Variants in PRKG1 observed in about 807,000 individuals in gnomAD.
PRKG1 encodes cGMP-dependent protein kinase 1.
PRKG1 carries 35 observed loss-of-function variants against 88.1 expected under a neutral mutation model. The observed-to-expected ratio is 0.40, with a 90% confidence interval of 0.30 to 0.53. PRKG1 has a LOEUF of 0.53. Among genes scored for constraint, PRKG1 ranks in the 20% least tolerant of loss-of-function variants. PRKG1 has a pLI of 0.59. For synonymous variants in PRKG1, 303 were observed against 292.5 expected, an observed-to-expected ratio of 1.04 and a Z score of -0.37; for missense variants, 540 against 839.8, an observed-to-expected ratio of 0.64 and a Z score of 4.41.
At chr10:52,259,837 G>A (rs536001347) in intron 10 of PRKG1, among the ~76,000 whole-genome samples, 3 of 152,164 alleles carry the variant, frequency 2.0e-5, no homozygotes, top group African/African-American at 4.8e-5. Context: ...TTTCCCTGAA[G>A]TAAACTGGCA....
chr10:50,991,414 C>T lies in PRKG1; in HGVS notation c.36C>T (p.Leu12=), dbSNP rs771726791. Residue 12 remains leucine (L), a synonymous_variant, in exon 1 of 18, where the codon CTC becomes CTT. Coordinates refer to the PRKG1 transcript ENST00000401604. This position sits in a 1 kb window ranked among gnomAD's most constrained non-coding sequence, Gnocchi z 4.5. ...TAGAGGAAGACTTTGCCAAGATTCT[C>T]ATGCTCAAGGAGGAGAGGATCAAAG... 7 of 1,568,092 alleles carry T rather than the reference C, an allele frequency of 4.5e-6. No individual in the cohort carries two copies. The Admixed American group carries it at 5.7e-5, about 13-fold the overall frequency.
At chr10:51,936,085 G>C (rs950151413) in intron 5 of PRKG1, among the ~76,000 whole-genome samples, 1 of 151,652 alleles carries the variant, frequency 6.6e-6, no homozygotes, top group African/African-American at 2.4e-5. Flanking sequence ...GATCTTCCTT[G>C]TTTCCCTCCC....
At chr10:52,226,399 G>T (rs375702793) in intron 9 of PRKG1, among the ~76,000 whole-genome samples, 32 of 152,244 alleles carry the variant, frequency 2.1e-4, no homozygotes, top group African/African-American at 7.2e-4. Flanking sequence ...ATCATAGTTT[G>T]TCCCTCACAG....
Position 51,460,621 on chromosome 10 carries a change from T to C in PRKG1, c.479-7102T>C, listed in dbSNP as rs189543724. Among the ~76,000 whole-genome samples, 18 of 152,314 alleles carry C rather than the reference T, an allele frequency of 1.2e-4. No homozygotes were observed. In the East Asian group the frequency reaches 3.1e-3, roughly 26 times the overall value. ...CAGTCCACAAACACTTATCTAGTGC[T>C]TGACATGTATTTTAAGTGCTAACAT... is the stretch of plus-strand genomic sequence containing the variant. On this transcript the variant is annotated intron_variant, in intron 2 of 17. Coordinates refer to ENST00000373980, the MANE Select transcript of PRKG1 (RefSeq NM_006258.4).
intron 4 of PRKG1, among the ~76,000 whole-genome samples, chr10:51,889,498 T>C (rs1461549507): frequency 6.6e-6 from 1 of 151,840 alleles, no homozygotes; most frequent in African/African-American, 2.4e-5. Flanking sequence ...TTTGCTATTG[T>C]ATAGTGCCAC....
intron 1 of PRKG1, among the ~76,000 whole-genome samples, chr10:51,052,474 GC>G (rs1564582463): frequency 6.6e-6 from 1 of 152,098 alleles, no homozygotes. Flanking sequence ...TTACTCAGAA[GC>G]TTTAAGAAGA....
intron 3 of PRKG1, among the ~76,000 whole-genome samples, chr10:51,535,163 A>T (rs921077820): frequency 6.6e-6 from 1 of 152,214 alleles, no homozygotes; most frequent in Non-Finnish European, 1.5e-5. Flanking sequence ...ATGGTAAGTC[A>T]GTATACTGAT....
chr10:51,385,168 C>A (rs138931887), intron 2 of PRKG1, among the ~76,000 whole-genome samples: 99 of 152,118 alleles, frequency 6.5e-4, no homozygotes, highest in Non-Finnish European at 9.7e-4. Context: ...TTGGGTAATG[C>A]GATACATTAT....
rs994148396 is a variant in PRKG1, at chr10:51,538,415, AATATATG to A, written c.592+70593_592+70599del. Among the ~76,000 whole-genome samples, 50 of 148,516 alleles carry A rather than the reference AATATATG, an allele frequency of 3.4e-4. 1 individual carries two copies. Among genetic ancestry groups the A allele is most frequent in the African/African-American group, 1.1e-3 (44 of 40,886 alleles). On this transcript the variant is annotated intron_variant, in intron 3 of 17. Coordinates refer to ENST00000373980, the MANE Select transcript of PRKG1 (RefSeq NM_006258.4). ...ATATCATATATATACATATACATAT[AATATATG>A]ATATATGATATATAATAATGTATTA...
chr10:52,150,309 A>G (rs998811572), intron 8 of PRKG1, among the ~76,000 whole-genome samples: 4 of 152,006 alleles, frequency 2.6e-5, no homozygotes, highest in Admixed American at 2.0e-4. Context: ...TATGGTGCCA[A>G]TTACGGCTGG....
intron 3 of PRKG1, among the ~76,000 whole-genome samples, chr10:51,751,470 C>T (rs1406999706): frequency 2.0e-5 from 3 of 152,054 alleles, no homozygotes; most frequent in East Asian, 1.9e-4. Flanking sequence ...TCAAGTTATC[C>T]GCCTGCATCT....
intron 7 of PRKG1, among the ~76,000 whole-genome samples, chr10:52,132,842 C>T (rs1837303263): frequency 6.6e-6 from 1 of 151,806 alleles, no homozygotes. Context: ...CTTAGGTGTA[C>T]ATAGTAGGGA....
chr10:52,271,432 A>C lies in PRKG1; in HGVS notation c.1256A>C (p.Glu419Ala). 1 of 1,613,126 alleles carries C rather than the reference A, an allele frequency of 6.2e-7. No individual in the cohort carries two copies. Among genetic ancestry groups the C allele is most frequent in the Non-Finnish European group, 8.5e-7 (1 of 1,179,442 alleles). The change falls in exon 11 of 18, where the codon GAG becomes GCG. Residue 419 changes from glutamate (E) to alanine (A), a missense_variant. This residue lies in a region of PRKG1 where 400 missense variants were observed against 562.7 expected (regional missense o/e 0.71). Transcript: ENST00000373980. ...KRHIVDTRQQ[E>A]HIRSEKQIMQ... Reference sequence around the variant, plus strand: ...CACATTGTGGACACAAGACAGCAGGAGCACATCCGCTCAGAGAAGCAGATC... The same window carrying C: ...CACATTGTGGACACAAGACAGCAGGCGCACATCCGCTCAGAGAAGCAGATC...
intron 5 of PRKG1, among the ~76,000 whole-genome samples, chr10:51,976,254 T>C (rs1033958702): frequency 6.6e-6 from 1 of 152,040 alleles, no homozygotes; most frequent in Non-Finnish European, 1.5e-5. Context: ...ATAATTCCAC[T>C]TCTAGGTATA....
chr10:51,145,910 C>T (rs10822292), intron 1 of PRKG1, among the ~76,000 whole-genome samples: 67,301 of 151,724 alleles, frequency 0.44, 15,030 homozygotes, highest in African/African-American at 0.53. Flanking sequence ...TACATTCTCA[C>T]CTACAGTGTA....
rs1162398209 is a variant in PRKG1, at chr10:52,239,479, A to C, written c.1077-12091A>C. On this transcript the variant is annotated intron_variant, in intron 9 of 17. Transcript: ENST00000373980. Reference sequence around the variant, plus strand: ...TTAAGGGAAAGCCAATAAAATATATATGAGGAAAAAAATAAAAATAAAAAT... The same window carrying C: ...TTAAGGGAAAGCCAATAAAATATATCTGAGGAAAAAAATAAAAATAAAAAT... Among the ~76,000 whole-genome samples the C allele has an allele frequency of 4.1e-5, 6 of 145,086 alleles. No homozygotes were observed. The East Asian group carries it at 1.2e-3, about 29-fold the overall frequency.
chr10:52,045,842 TC>T (rs35352643), intron 5 of PRKG1, among the ~76,000 whole-genome samples: 23,863 of 152,072 alleles, frequency 0.16, 2,403 homozygotes, highest in South Asian at 0.26. Flanking sequence ...TTGTTTGATA[TC>T]CACATTTTCA....
At chr10:51,485,146 C>T (rs1340117974) in intron 3 of PRKG1, among the ~76,000 whole-genome samples, 1 of 152,032 alleles carries the variant, frequency 6.6e-6, no homozygotes, top group East Asian at 1.9e-4. Context: ...ACTGAGGTAC[C>T]TTTTGGGCCA....
intron 2 of PRKG1, among the ~76,000 whole-genome samples, chr10:51,289,424 A>G (rs1404416067): frequency 6.6e-6 from 1 of 152,188 alleles, no homozygotes; most frequent in Non-Finnish European, 1.5e-5. Flanking sequence ...AAGCTTGACA[A>G]CAGTGGACTA....
Sources: gnomAD v4.1 joint callset for allele counts (sites outside exome capture counted in the v4.1 genomes callset) on GRCh38, gnomAD v4.1.1 for gene constraint, gnomAD v4.1.1 regional missense constraint, Gnocchi (gnomAD v3.1) non-coding constraint, MANE v1.5 for transcripts, NCBI Gene and HGNC (gene_info 2026-07-23, HGNC 2026-07-21) for gene names.